The following MALRD1 variants were observed in gnomAD, a reference collection of about 807,000 sequenced individuals.
MALRD1 encodes MAM and LDL receptor class A domain containing 1.
MALRD1 carries 247 observed loss-of-function variants against 242.1 expected under a neutral mutation model. The observed-to-expected ratio is 1.02, with a 90% CI of 0.92 to 1.13. MALRD1 has a LOEUF of 1.13. Among genes scored for constraint, MALRD1 ranks in the 50% most tolerant of loss-of-function variants. The pLI, the probability that MALRD1 is intolerant of heterozygous loss-of-function variation, is 0.00. For synonymous variants in MALRD1, 995 were observed against 866.6 expected (o/e 1.15, Z -2.60); for missense variants, 2,989 against 2,533.1 (o/e 1.18, Z -3.86).
At chr10:19,444,428 T>C (rs1246746974) in intron 28 of MALRD1, among the ~76,000 whole-genome samples, 1 of 151,394 alleles carries the variant, frequency 6.6e-6, no homozygotes, top group Non-Finnish European at 1.5e-5. Flanking sequence ...ATTTGGCATG[T>C]TTTTGCAGTG....
intron 33 of MALRD1, among the ~76,000 whole-genome samples, chr10:19,581,610 A>G (rs1837130435): frequency 6.8e-6 from 1 of 147,696 alleles, no homozygotes; most frequent in Admixed American, 6.8e-5. Context: ...TTCTTAATCC[A>G]GTCTATCATT....
At chr10:19,272,028 A>G (rs1485839010) in intron 19 of MALRD1, among the ~76,000 whole-genome samples, 2 of 152,150 alleles carry the variant, frequency 1.3e-5, no homozygotes, top group African/African-American at 2.4e-5. Context: ...AATAAAATGT[A>G]AACAAGTGAG....
intron 38 of MALRD1, among the ~76,000 whole-genome samples, chr10:19,719,099 C>A (rs1159764048): frequency 1.3e-5 from 2 of 148,642 alleles, no homozygotes; most frequent in Non-Finnish European, 3.0e-5. Flanking sequence ...GGAGGTCAAA[C>A]TATGATCCCA....
intron 31 of MALRD1, among the ~76,000 whole-genome samples, chr10:19,529,137 G>A (rs879372893): frequency 2.6e-5 from 4 of 152,158 alleles, no homozygotes; most frequent in Non-Finnish European, 5.9e-5. Flanking sequence ...TTCAGCAGGG[G>A]AAAGGGGGAA....
At chr10:19,360,908 A>AAGT (rs1164151770) in intron 26 of MALRD1, among the ~76,000 whole-genome samples, 2 of 152,148 alleles carry the variant, frequency 1.3e-5, no homozygotes, top group African/African-American at 4.8e-5. Flanking sequence ...GTAACCAGTG[A>AAGT]AGTTTTTTTT....
chr10:19,057,497 T>C (rs181371613), intron 1 of MALRD1, among the ~76,000 whole-genome samples: 2 of 152,238 alleles, frequency 1.3e-5, no homozygotes, highest in African/African-American at 4.8e-5. Context: ...TACTATCACA[T>C]TGGGAATTAG....
At chr10:19,359,523 A>G (rs899378810) in intron 26 of MALRD1, among the ~76,000 whole-genome samples, 4 of 152,044 alleles carry the variant, frequency 2.6e-5, no homozygotes, top group East Asian at 1.9e-4. Flanking sequence ...CATTAGATGC[A>G]CTGTGGGCCA....
chr10:19,449,214 G>A (rs1016817720), intron 28 of MALRD1, among the ~76,000 whole-genome samples: 5 of 152,150 alleles, frequency 3.3e-5, no homozygotes, highest in Non-Finnish European at 7.3e-5. Context: ...GTCTCACTCT[G>A]TTGCCAGGCT....
chr10:19,331,526 TG>T lies in MALRD1; in HGVS notation c.3846del (p.Cys1283ValfsTer4). On this transcript the variant is annotated frameshift_variant, in exon 24 of 40. Coordinates refer to ENST00000454679, the MANE Select transcript of MALRD1 (RefSeq NM_001142308.3). LOFTEE classifies it high-confidence loss of function. Reference protein sequence around the residue: ...ANKHCIAKDKLCDFVNDCADN... With the variant: ...ANKHCIAKDKXCDFVNDCADN... ...AAGCACTGCATTGCCAAAGACAAGC[TG>T]TGTGATTTTGTGAATGATTGTGCTG... 1 of 1,550,350 alleles carries T rather than the reference TG, an allele frequency of 6.5e-7. No individual in the cohort carries two copies. The highest frequency in any genetic ancestry group is 1.2e-5 in the South Asian group (1 of 84,060).
At position 19,552,552 on chromosome 10, in the gene MALRD1, T is replaced by TTG. The variant is rs143870211; in HGVS notation, c.5479-14932_5479-14931dup. 3.5e-3 allele frequency among the ~76,000 whole-genome samples: 527 copies of TTG among 150,816 alleles called. 1 individual carries two copies. The highest frequency in any genetic ancestry group is 9.0e-3 in the African/African-American group (369 of 41,222). The stretch of plus-strand genomic sequence containing the variant: ...CTGGATTTGTTGATGTTTTGAATTT[T>TTG]TGTGTGTGTGTGTGTGTGTCTGTAT... On this transcript the variant is annotated intron_variant, in intron 32 of 39. Coordinates refer to ENST00000454679, the MANE Select transcript of MALRD1 (RefSeq NM_001142308.3).
chr10:19,471,214 C>T (rs781207926), intron 29 of MALRD1, among the ~76,000 whole-genome samples: 42 of 151,802 alleles, frequency 2.8e-4, no homozygotes, highest in Non-Finnish European at 5.2e-4. Context: ...GTATTCTTGG[C>T]ACCCTTGTCC....
chr10:19,598,410 A>G (rs570647043), intron 34 of MALRD1: 1 of 151,502 alleles, frequency 6.6e-6, no homozygotes, highest in African/African-American at 2.4e-5. Context: ...GCCATTGATT[A>G]TGTCCTTCTC....
intron 29 of MALRD1, among the ~76,000 whole-genome samples, chr10:19,490,559 G>A: frequency 7.1e-6 from 1 of 139,970 alleles, no homozygotes; most frequent in African/African-American, 2.6e-5. Context: ...ACGGTGAAGG[G>A]AGGCTGAGGT....
chr10:19,470,559 C>T (rs1355229303), intron 29 of MALRD1, among the ~76,000 whole-genome samples: 2 of 151,972 alleles, frequency 1.3e-5, no homozygotes, highest in Non-Finnish European at 2.9e-5. Flanking sequence ...TTTTCACCAA[C>T]AGTGTGCAAT....
intron 33 of MALRD1, among the ~76,000 whole-genome samples, chr10:19,591,171 A>G (rs139012817): frequency 4.6e-5 from 7 of 152,248 alleles, no homozygotes; most frequent in African/African-American, 7.2e-5. Context: ...GCCTTTTCAC[A>G]TTGGCTTCTT....
chr10:19,088,234 C>A, intron 4 of MALRD1, 49 bp downstream of exon 4: 3 of 1,223,384 alleles, frequency 2.5e-6, no homozygotes, highest in Non-Finnish European at 3.1e-6. Context: ...AAATAAGATA[C>A]AGATCTTTAA....
At chr10:19,480,497 G>C (rs766238744) in intron 29 of MALRD1, among the ~76,000 whole-genome samples, 18 of 152,210 alleles carry the variant, frequency 1.2e-4, no homozygotes, top group Non-Finnish European at 2.6e-4. Context: ...TCATGCCAAA[G>C]AGCTTAAGGA....
chr10:19,158,055 A>C (rs1268145928), intron 12 of MALRD1, among the ~76,000 whole-genome samples: 1 of 152,218 alleles, frequency 6.6e-6, no homozygotes, highest in East Asian at 1.9e-4. Flanking sequence ...TTTGAAATAC[A>C]AGATAGGACA....
intron 26 of MALRD1, among the ~76,000 whole-genome samples, chr10:19,373,203 C>CAAAAAAAAAAAAAAATAAA (rs1845459382): frequency 9.3e-4 from 107 of 114,860 alleles, no homozygotes; most frequent in African/African-American, 3.6e-3. Flanking sequence ...ACGCTAAATA[C>CAAAAAAAAAAAAAAATAAA]AAAAAAAAAA....
Sources: allele counts gnomAD v4.1 joint callset (sites outside exome capture counted in the v4.1 genomes callset), GRCh38; gene constraint gnomAD v4.1.1; transcripts MANE v1.5; gene names NCBI Gene and HGNC (gene_info 2026-07-23, HGNC 2026-07-21).